Variants in NBAS observed in about 807,000 individuals in gnomAD.
NBAS encodes NAG/BC035112 fusion.
In NBAS, 219 loss-of-function variants were observed where a neutral mutation model predicts 302.5. The observed-to-expected ratio is 0.72, with a 90% confidence interval of 0.65 to 0.81. The LOEUF is 0.81. NBAS is among the 30% of genes least tolerant of loss of function. The probability of loss-of-function intolerance (pLI) is 0.00; values close to 1 mark genes in which losing one functional copy is unlikely to be tolerated. For synonymous variants in NBAS, 1,118 were observed against 1,021.6 expected, an observed-to-expected ratio of 1.09 and a Z score of -1.80; for missense variants, 2,932 against 2,841.6, an observed-to-expected ratio of 1.03 and a Z score of -0.72.
At chr2:15,535,611 A>C (rs890110055) in intron 8 of NBAS, among the ~76,000 whole-genome samples, 3 of 151,984 alleles carry the variant, frequency 2.0e-5, no homozygotes, top group Admixed American at 2.0e-4. Flanking sequence ...CATATAACCC[A>C]CACATATCCT....
intron 21 of NBAS, among the ~76,000 whole-genome samples, chr2:15,454,743 TC>T (rs1679171709): frequency 6.6e-6 from 1 of 152,126 alleles, no homozygotes; most frequent in Non-Finnish European, 1.5e-5. Flanking sequence ...CCATCAAATT[TC>T]TGATCACCCT....
chr2:15,422,383 G>A (rs1677254300), intron 23 of NBAS, among the ~76,000 whole-genome samples: 1 of 152,110 alleles, frequency 6.6e-6, no homozygotes, highest in Non-Finnish European at 1.5e-5. Flanking sequence ...AGGACATCTT[G>A]ATTCTTCAAT....
At chr2:15,441,172 A>C (rs1268997108) in intron 21 of NBAS, among the ~76,000 whole-genome samples, 29 of 152,302 alleles carry the variant, frequency 1.9e-4, no homozygotes, top group Admixed American at 3.9e-4. Flanking sequence ...AAAGATACTC[A>C]TTGAGAAGAG....
At chr2:15,245,957 T>G (rs1668079361) in intron 44 of NBAS, among the ~76,000 whole-genome samples, 1 of 152,204 alleles carries the variant, frequency 6.6e-6, no homozygotes, top group African/African-American at 2.4e-5. Flanking sequence ...AAATTTGACC[T>G]GTGGGCCATC....
intron 50 of NBAS, chr2:15,180,446 G>A (rs1393423910): frequency 1.3e-5 from 2 of 152,244 alleles, no homozygotes; most frequent in Non-Finnish European, 2.9e-5. Context: ...GTCTCACCAA[G>A]CATCTGGGGC....
At chr2:14,878,730 T>A in the NBAS span, among the ~76,000 whole-genome samples, 1 of 152,192 alleles carries the variant, frequency 6.6e-6, no homozygotes, top group Non-Finnish European at 1.5e-5. Flanking sequence ...CCTTCACACA[T>A]ACAGCCTCCC....
At chr2:15,129,096 G>A in the NBAS span, among the ~76,000 whole-genome samples, 3 of 152,326 alleles carry the variant, frequency 2.0e-5, no homozygotes, top group African/African-American at 7.2e-5. Flanking sequence ...CGGCTGCCAC[G>A]GGTCTGGCCT....
the NBAS span, among the ~76,000 whole-genome samples, chr2:15,106,892 A>G: frequency 6.6e-6 from 1 of 152,100 alleles, no homozygotes; most frequent in Non-Finnish European, 1.5e-5. Context: ...GAGAACTTTG[A>G]GAATTGGTAT....
the NBAS span, among the ~76,000 whole-genome samples, chr2:14,789,400 T>C: frequency 1.3e-5 from 2 of 152,156 alleles, no homozygotes; most frequent in Non-Finnish European, 2.9e-5. Context: ...CAGATGGAAA[T>C]GCAGAAATCA....
chr2:15,326,161 G>A (rs1221212474), intron 38 of NBAS, among the ~76,000 whole-genome samples: 3 of 152,102 alleles, frequency 2.0e-5, no homozygotes, highest in Middle Eastern at 3.2e-3. Flanking sequence ...CAATAATAAC[G>A]AAAAAGTTTG....
chr2:15,307,915 C>A (rs1671101543), intron 40 of NBAS, among the ~76,000 whole-genome samples: 1 of 152,170 alleles, frequency 6.6e-6, no homozygotes, highest in Admixed American at 6.5e-5. Flanking sequence ...AAAAACAATT[C>A]TCCATTTTGC....
At chr2:15,166,343 A>G (rs141325351), downstream of NBAS, among the ~76,000 whole-genome samples, 1 of 152,282 alleles carries the variant, frequency 6.6e-6, no homozygotes, top group African/African-American at 2.4e-5. Flanking sequence ...CAACCTGAAC[A>G]TGTCGATGCT....
intron 38 of NBAS, among the ~76,000 whole-genome samples, chr2:15,319,233 G>A (rs2148194488): frequency 6.6e-6 from 1 of 152,176 alleles, no homozygotes; most frequent in East Asian, 1.9e-4. Flanking sequence ...AGAATCTCTG[G>A]GACACATTTA....
the NBAS span, among the ~76,000 whole-genome samples, chr2:15,030,908 T>C: frequency 6.6e-6 from 1 of 152,128 alleles, no homozygotes; most frequent in Admixed American, 6.5e-5. Flanking sequence ...TGAGAACCAC[T>C]GCAAGAGATT....
chr2:15,488,532 T>C (rs1415131356), intron 12 of NBAS, among the ~76,000 whole-genome samples: 1 of 152,188 alleles, frequency 6.6e-6, no homozygotes, highest in Non-Finnish European at 1.5e-5. Context: ...TTGAAAAGAA[T>C]TGTAACCCTT....
the NBAS span, among the ~76,000 whole-genome samples, chr2:14,790,784 G>A: frequency 2.6e-5 from 4 of 151,404 alleles, no homozygotes; most frequent in East Asian, 1.9e-4. Flanking sequence ...ACTGAGTAGC[G>A]GGGATTACAG....
At chr2:15,130,023 A>G in the NBAS span, among the ~76,000 whole-genome samples, 2 of 152,154 alleles carry the variant, frequency 1.3e-5, no homozygotes, top group Non-Finnish European at 2.9e-5. Flanking sequence ...GATCATTTCC[A>G]TCATCCCAAA....
At chr2:15,234,922 T>C (rs764850857) in intron 45 of NBAS, among the ~76,000 whole-genome samples, 175 bp from the exon 46 acceptor site, 42 of 152,190 alleles carry the variant, frequency 2.8e-4, no homozygotes, top group Non-Finnish European at 5.0e-4. Context: ...TCACCCACAT[T>C]TGAGTGCAAA....
At chr2:15,349,221 G>T (rs1468865361) in intron 35 of NBAS, among the ~76,000 whole-genome samples, 1 of 152,088 alleles carries the variant, frequency 6.6e-6, no homozygotes, top group Admixed American at 6.6e-5. Flanking sequence ...AGGTTCAAAA[G>T]GAACAAAACT....
Sources: gnomAD v4.1 joint callset for allele counts (sites outside exome capture counted in the v4.1 genomes callset) on GRCh38, gnomAD v4.1.1 for gene constraint, MANE v1.5 for transcripts, NCBI Gene and HGNC (gene_info 2026-07-23, HGNC 2026-07-21) for gene names.